Variants in PRP4K observed in about 807,000 individuals in gnomAD.
PRP4K encodes serine/threonine-protein kinase PRP4 homolog.
At chr6:4,029,104 C>G in the PRP4K span, among the ~76,000 whole-genome samples, 1 of 145,840 alleles carries the variant, frequency 6.9e-6, no homozygotes, top group Non-Finnish European at 1.5e-5. Flanking sequence ...ATTGCAGCTG[C>G]AAACTCCTGG....
the PRP4K span, among the ~76,000 whole-genome samples, chr6:4,045,111 G>A: frequency 3.3e-5 from 5 of 151,796 alleles, no homozygotes; most frequent in South Asian, 2.1e-4. Flanking sequence ...TCTGCCTGTC[G>A]GCCTCCCAAA....
chr6:4,061,594 A>G, the PRP4K span: 1 of 152,602 alleles, frequency 6.6e-6, no homozygotes, highest in Middle Eastern at 3.2e-3. Flanking sequence ...CTTTATGGTA[A>G]AAGTGTTTTT....
At chr6:4,053,264 C>T in the PRP4K span, among the ~76,000 whole-genome samples, 1 of 152,126 alleles carries the variant, frequency 6.6e-6, no homozygotes. Context: ...AGCTGTGGCT[C>T]CTGGGGGCTC....
the PRP4K span, among the ~76,000 whole-genome samples, chr6:4,051,277 C>T: frequency 1.3e-5 from 2 of 151,942 alleles, no homozygotes; most frequent in East Asian, 3.9e-4. Context: ...AAAATAATGT[C>T]AAGATGTGGG....
the PRP4K span, chr6:4,032,217 G>T: frequency 1.2e-6 from 2 of 1,614,024 alleles, no homozygotes; most frequent in Non-Finnish European, 1.7e-6. Flanking sequence ...TAAGTCTCAA[G>T]ATCAAGCAAG....
the PRP4K span, chr6:4,052,989 T>C: frequency 2.1e-6 from 2 of 944,358 alleles, no homozygotes; most frequent in Non-Finnish European, 2.9e-6. Context: ...AGTATATTAA[T>C]AACCTATTTC....
At chr6:4,043,748 G>A in the PRP4K span, 2 of 1,465,254 alleles carry the variant, frequency 1.4e-6, no homozygotes, top group African/African-American at 1.4e-5. Flanking sequence ...GCAACTCTTA[G>A]CCATGAATGT....
chr6:4,040,556 A>C, the PRP4K span, among the ~76,000 whole-genome samples: 5 of 152,228 alleles, frequency 3.3e-5, no homozygotes, highest in African/African-American at 1.2e-4. Flanking sequence ...ATCTTCAGCT[A>C]AGCTGGTTAT....
chr6:4,029,107 A>C, the PRP4K span, among the ~76,000 whole-genome samples: 26 of 144,276 alleles, frequency 1.8e-4, no homozygotes, highest in African/African-American at 6.4e-4. Flanking sequence ...GCAGCTGCAA[A>C]CTCCTGGGCT....
chr6:4,042,979 G>A, the PRP4K span, among the ~76,000 whole-genome samples: 1 of 152,188 alleles, frequency 6.6e-6, no homozygotes, highest in Non-Finnish European at 1.5e-5. Flanking sequence ...GAATATGGTG[G>A]TTTAAATGAA....
At chr6:4,060,351 G>C in the PRP4K span, 1 of 1,445,666 alleles carries the variant, frequency 6.9e-7, no homozygotes, top group African/African-American at 1.4e-5. The surrounding 1 kb of genome is among the most constrained non-coding windows in gnomAD (Gnocchi z 4.7). Flanking sequence ...AAAACAATCT[G>C]ATTTAAGTTG....
chr6:4,022,636 T>C, the PRP4K span, among the ~76,000 whole-genome samples: 1 of 152,210 alleles, frequency 6.6e-6, no homozygotes, highest in Admixed American at 6.5e-5. Context: ...CTCAATCATC[T>C]GCATTACTCA....
the PRP4K span, among the ~76,000 whole-genome samples, chr6:4,022,612 C>T: frequency 1.2e-4 from 19 of 152,104 alleles, no homozygotes; most frequent in African/African-American, 4.6e-4. Context: ...TGCTGTGCAT[C>T]CAGTTTTGGG....
chr6:4,056,816 T>G, the PRP4K span: 33 of 1,215,228 alleles, frequency 2.7e-5, no homozygotes, highest in Non-Finnish European at 3.5e-5. Context: ...TCTTTTGCCC[T>G]TTAAGTTCCT....
the PRP4K span, chr6:4,056,783 GAA>G: frequency 7.5e-7 from 1 of 1,335,230 alleles, no homozygotes; most frequent in Non-Finnish European, 1.0e-6. Context: ...GGCGAAATGA[GAA>G]AAGAGAAGAA....
chr6:4,060,288 T>C, the PRP4K span: 11 of 825,836 alleles, frequency 1.3e-5, no homozygotes, highest in Non-Finnish European at 2.1e-5. The surrounding 1 kb of genome is among the most constrained non-coding windows in gnomAD (Gnocchi z 4.7). Context: ...ATGTGCACTG[T>C]GTGTATATAT....
chr6:4,054,090 A>AT, the PRP4K span, among the ~76,000 whole-genome samples: 1 of 151,662 alleles, frequency 6.6e-6, no homozygotes, highest in Non-Finnish European at 1.5e-5. Context: ...ATTAAAAAAA[A>AT]TTTTTTTTAG....
the PRP4K span, chr6:4,057,282 A>C: frequency 7.6e-7 from 1 of 1,319,666 alleles, no homozygotes; most frequent in African/African-American, 1.5e-5. Flanking sequence ...TATAAAACAA[A>C]AATTTCAGAA....
the PRP4K span, chr6:4,056,505 A>C: frequency 1.9e-6 from 3 of 1,610,600 alleles, no homozygotes; most frequent in Non-Finnish European, 2.5e-6. Flanking sequence ...ATGTCTAAGC[A>C]CTGTTTTCCA....
Sources: allele counts gnomAD v4.1 joint callset (sites outside exome capture counted in the v4.1 genomes callset), GRCh38; gene constraint gnomAD v4.1.1; non-coding constraint Gnocchi (gnomAD v3.1); transcripts MANE v1.5; gene names NCBI Gene and HGNC (gene_info 2026-07-23, HGNC 2026-07-21).